ABCB1: variants seen among roughly 807,000 people sequenced by gnomAD.
The protein encoded by ABCB1 is ATP-dependent translocase ABCB1.
A neutral mutation model predicts 142.0 loss-of-function variants in ABCB1; 69 were observed. That is an observed-to-expected ratio of 0.49 (90% CI 0.40 to 0.59). The LOEUF (loss-of-function observed/expected upper bound fraction) is 0.59. ABCB1 is among the 20% of genes least tolerant of loss of function. ABCB1 has a pLI of 0.00. For missense variants in ABCB1, 1,326 were observed against 1,554.7 expected, an observed-to-expected ratio of 0.85 and a Z score of 2.47; for synonymous variants, 532 against 539.2, an observed-to-expected ratio of 0.99 and a Z score of 0.18.
In ABCB1 at chr7:87,545,881, G is replaced by C. The variant is rs1816758132; in HGVS notation, c.1869C>G (p.Phe623Leu). 2.5e-6 allele frequency: 4 copies of C among 1,614,154 alleles called. No homozygotes were observed. Among genetic ancestry groups the C allele is most frequent in the Admixed American group, 1.7e-5 (1 of 60,022 alleles). Residue 623 changes from phenylalanine to leucine, a missense_variant, in exon 15 of 28, where the codon TTC (phenylalanine) becomes TTG (leucine). Physicochemically the swap from Phe to Leu is conservative, Grantham distance 22. Transcript: ENST00000622132. ...ACTATACCTGCATTGTGACAAGTTT[G>C]AAGTAAATGCCTTTCTCTTTCATGA... The part of the protein sequence containing the change: ...DELMKEKGIY[F>L]KLVTMQTAGN...
At chr7:87,536,714 C>A (rs1407188675) in intron 19 of ABCB1, among the ~76,000 whole-genome samples, 173 bp from the exon 20 acceptor site, 1 of 152,184 alleles carries the variant, frequency 6.6e-6, no homozygotes, top group Non-Finnish European at 1.5e-5. Context: ...ATAAATAGAT[C>A]ATTTCATTTG....
intron 1 of ABCB1, among the ~76,000 whole-genome samples, chr7:87,707,042 T>G (rs923564413): frequency 3.3e-5 from 5 of 151,930 alleles, no homozygotes; most frequent in African/African-American, 1.2e-4. Flanking sequence ...TTCAGAAGAT[T>G]AATACAAAAA....
chr7:87,505,198 C>G (rs1028408891), intron 27 of ABCB1, among the ~76,000 whole-genome samples: 3 of 152,160 alleles, frequency 2.0e-5, no homozygotes, highest in Non-Finnish European at 2.9e-5. Context: ...ATCCTGGGCT[C>G]AAGTGATCCT....
At chr7:87,585,460 G>T in intron 4 of ABCB1, 52 bp downstream of exon 4, 2 of 1,577,872 alleles carry the variant, frequency 1.3e-6, no homozygotes, top group African/African-American at 1.3e-5. Context: ...CACTCTAAGT[G>T]CTTGTTTTTG....
intron 9 of ABCB1, among the ~76,000 whole-genome samples, chr7:87,551,779 AT>A (rs1817083471): frequency 6.6e-6 from 1 of 152,218 alleles, no homozygotes. Context: ...ATAAACAATG[AT>A]TTAAATTTCA....
At chr7:87,683,669 A>G (rs902064544) in intron 1 of ABCB1, among the ~76,000 whole-genome samples, 3 of 152,230 alleles carry the variant, frequency 2.0e-5, no homozygotes, top group Non-Finnish European at 2.9e-5. Context: ...CAATAGTAAC[A>G]TCAAAGATCA....
intron 22 of ABCB1, among the ~76,000 whole-genome samples, chr7:87,520,073 T>C (rs1196915433): frequency 6.6e-6 from 1 of 152,138 alleles, no homozygotes; most frequent in Admixed American, 6.5e-5. Context: ...AGCTCAGTGA[T>C]ATGGAGGTGT....
At chr7:87,585,313 G>A (rs899440884) in intron 4 of ABCB1, among the ~76,000 whole-genome samples, 199 bp downstream of exon 4, 1 of 152,022 alleles carries the variant, frequency 6.6e-6, no homozygotes, top group South Asian at 2.1e-4. Flanking sequence ...ATCTCTGCTG[G>A]CACTTCAGTT....
At chr7:87,688,973 G>A (rs1827748975) in intron 1 of ABCB1, among the ~76,000 whole-genome samples, 1 of 151,862 alleles carries the variant, frequency 6.6e-6, no homozygotes, top group Non-Finnish European at 1.5e-5. Context: ...CTTATTTACA[G>A]AATGAGAGAT....
chr7:87,572,093 A>G (rs1037630072), intron 4 of ABCB1, among the ~76,000 whole-genome samples: 2 of 152,244 alleles, frequency 1.3e-5, no homozygotes, highest in African/African-American at 2.4e-5. Context: ...CCACGTTTTC[A>G]AAAATGAAAC....
chr7:87,700,614 G>T, intron 1 of ABCB1: 1 of 1,491,040 alleles, frequency 6.7e-7, no homozygotes, highest in Middle Eastern at 1.8e-4. Flanking sequence ...ATTTGGAATA[G>T]CAGGAAGGTG....
At chr7:87,688,180 A>C (rs1827659512) in intron 1 of ABCB1, among the ~76,000 whole-genome samples, 1 of 152,166 alleles carries the variant, frequency 6.6e-6, no homozygotes, top group Non-Finnish European at 1.5e-5. Flanking sequence ...ATTGTATCTC[A>C]GAAAATCATC....
At chr7:87,667,670 G>C (rs1825400693) in intron 1 of ABCB1, among the ~76,000 whole-genome samples, 1 of 152,032 alleles carries the variant, frequency 6.6e-6, no homozygotes, top group Non-Finnish European at 1.5e-5. Flanking sequence ...TCAATACCTA[G>C]TTCACTGAGA....
chr7:87,585,689 A>T lies in ABCB1; in HGVS notation c.118-9T>A, dbSNP rs1403857118. The T allele has an allele frequency of 6.2e-7, 1 of 1,613,040 alleles. No individual in the cohort carries two copies. The highest frequency in any genetic ancestry group is 8.5e-7 in the Non-Finnish European group (1 of 1,179,764). ...CAATTTGAATAGCGAAACTAAAAAG[A>T]GAGAAAAAAGAATAGCAGAGGAAAA... On this transcript the variant is annotated splice_polypyrimidine_tract_variant and intron_variant, in intron 3 of 27. Transcript: ENST00000622132.
intron 1 of ABCB1, among the ~76,000 whole-genome samples, chr7:87,698,791 T>G (rs568033048): frequency 6.6e-6 from 1 of 152,212 alleles, no homozygotes; most frequent in Admixed American, 6.5e-5. Context: ...AGAAATACTT[T>G]TGAGGAGAAG....
intron 21 of ABCB1, among the ~76,000 whole-genome samples, chr7:87,529,933 C>T (rs920566092): frequency 2.0e-5 from 3 of 152,192 alleles, no homozygotes; most frequent in Non-Finnish European, 4.4e-5. Flanking sequence ...AATAGGCCTC[C>T]GGGAGCCTGA....
chr7:87,673,594 T>C (rs1826042850), intron 1 of ABCB1, among the ~76,000 whole-genome samples: 1 of 152,234 alleles, frequency 6.6e-6, no homozygotes, highest in Non-Finnish European at 1.5e-5. Context: ...GGCCCTTCGA[T>C]ATTTCGGCTT....
chr7:87,685,146 G>GC (rs1827330829), intron 1 of ABCB1, among the ~76,000 whole-genome samples: 1 of 152,090 alleles, frequency 6.6e-6, no homozygotes, highest in Non-Finnish European at 1.5e-5. Context: ...TTAATGATAA[G>GC]ACAAGGCATA....
chr7:87,569,332 C>A (rs1422384248), intron 5 of ABCB1, among the ~76,000 whole-genome samples: 12 of 111,960 alleles, frequency 1.1e-4, no homozygotes, highest in Admixed American at 1.9e-4. Flanking sequence ...CACTCTGTCT[C>A]AAAAAAAAAA....
Sources: gnomAD v4.1 joint callset for allele counts (sites outside exome capture counted in the v4.1 genomes callset) on GRCh38, gnomAD v4.1.1 for gene constraint, MANE v1.5 for transcripts, NCBI Gene and HGNC (gene_info 2026-07-23, HGNC 2026-07-21) for gene names.